SKIC3: variants seen among roughly 807,000 people sequenced by gnomAD.
SKIC3 encodes superkiller complex protein 3.
chr5:95,540,909 A>C, the SKIC3 span: 1 of 1,393,940 alleles, frequency 7.2e-7, no homozygotes. Context: ...GCAAATAAAA[A>C]CATTTTTAAT....
chr5:95,554,329 G>A, the SKIC3 span, among the ~76,000 whole-genome samples: 1 of 152,036 alleles, frequency 6.6e-6, no homozygotes, highest in African/African-American at 2.4e-5. Flanking sequence ...TTATATACCC[G>A]AAACTAGATA....
At chr5:95,492,666 A>AAAAAAAAC in the SKIC3 span, among the ~76,000 whole-genome samples, 1 of 130,568 alleles carries the variant, frequency 7.7e-6, no homozygotes. Flanking sequence ...AAAAAAAAAA[A>AAAAAAAAC]AAAAAAAAAA....
At chr5:95,472,913 C>T in the SKIC3 span, among the ~76,000 whole-genome samples, 2 of 152,190 alleles carry the variant, frequency 1.3e-5, no homozygotes, top group Non-Finnish European at 2.9e-5. Context: ...CAGTTCCATC[C>T]ATGTTGCTGC....
At chr5:95,531,587 C>T in the SKIC3 span, among the ~76,000 whole-genome samples, 1 of 152,174 alleles carries the variant, frequency 6.6e-6, no homozygotes. Context: ...ACATTGTCTG[C>T]ACTATCAGAA....
the SKIC3 span, among the ~76,000 whole-genome samples, chr5:95,466,020 C>A: frequency 6.6e-6 from 1 of 152,016 alleles, no homozygotes; most frequent in Admixed American, 6.6e-5. Flanking sequence ...TCCAAGCATT[C>A]TTTTCTTTAC....
the SKIC3 span, among the ~76,000 whole-genome samples, chr5:95,511,076 C>A: frequency 6.6e-6 from 1 of 152,084 alleles, no homozygotes; most frequent in Non-Finnish European, 1.5e-5. Context: ...CTTGAAAAAT[C>A]CTTAAAGTCA....
At chr5:95,488,874 A>G in the SKIC3 span, among the ~76,000 whole-genome samples, 2 of 152,232 alleles carry the variant, frequency 1.3e-5, no homozygotes, top group Non-Finnish European at 2.9e-5. Context: ...AAATCAACTA[A>G]TTAAACAACA....
At chr5:95,553,355 C>T in the SKIC3 span, among the ~76,000 whole-genome samples, 2 of 152,160 alleles carry the variant, frequency 1.3e-5, no homozygotes, top group Non-Finnish European at 2.9e-5. Context: ...TTAAATATAA[C>T]TTTTATGAAT....
the SKIC3 span, chr5:95,541,961 ACATT>A: frequency 4.0e-4 from 454 of 1,130,284 alleles, 4 homozygotes; most frequent in South Asian, 5.7e-3. Flanking sequence ...TGCTGTTCTC[ACATT>A]CATTTATTTT....
chr5:95,553,088 C>T, the SKIC3 span, among the ~76,000 whole-genome samples: 1 of 152,188 alleles, frequency 6.6e-6, no homozygotes, highest in African/African-American at 2.4e-5. Flanking sequence ...ACAATCCACT[C>T]AGCAGGAATG....
the SKIC3 span, among the ~76,000 whole-genome samples, chr5:95,490,349 T>C: frequency 6.6e-6 from 1 of 150,860 alleles, no homozygotes; most frequent in Non-Finnish European, 1.5e-5. Flanking sequence ...AGAAAATACA[T>C]ATGCTTATCA....
At chr5:95,503,057 T>C in the SKIC3 span, 7 of 1,608,238 alleles carry the variant, frequency 4.4e-6, no homozygotes, top group Non-Finnish European at 5.9e-6. Flanking sequence ...TCCTGATTGA[T>C]GAAGCATGGG....
chr5:95,470,607 A>G, the SKIC3 span, among the ~76,000 whole-genome samples: 1 of 152,200 alleles, frequency 6.6e-6, no homozygotes, highest in African/African-American at 2.4e-5. Flanking sequence ...TTATCTAAGG[A>G]GAGAGGAAAG....
At chr5:95,535,641 A>G in the SKIC3 span, among the ~76,000 whole-genome samples, 3 of 146,092 alleles carry the variant, frequency 2.1e-5, no homozygotes, top group East Asian at 5.9e-4. Context: ...AGACACCAGG[A>G]AAAAAAAAAA....
At chr5:95,507,734 G>T in the SKIC3 span, among the ~76,000 whole-genome samples, 15 of 152,114 alleles carry the variant, frequency 9.9e-5, no homozygotes, top group Admixed American at 3.9e-4. Flanking sequence ...TTATAGAGAT[G>T]AAAAACTATA....
chr5:95,484,978 T>C, the SKIC3 span: 1 of 933,044 alleles, frequency 1.1e-6, no homozygotes, highest in South Asian at 1.4e-5. Context: ...ATGTGCCACA[T>C]GTACCATAGA....
At chr5:95,499,147 A>C in the SKIC3 span, among the ~76,000 whole-genome samples, 1 of 152,164 alleles carries the variant, frequency 6.6e-6, no homozygotes, top group Non-Finnish European at 1.5e-5. Flanking sequence ...ATTACACCTA[A>C]GTGATATGGT....
chr5:95,544,604 G>A, the SKIC3 span, among the ~76,000 whole-genome samples: 1 of 152,098 alleles, frequency 6.6e-6, no homozygotes, highest in Non-Finnish European at 1.5e-5. Context: ...CAACAATGAT[G>A]TAACTACCAA....
chr5:95,527,952 G>T, the SKIC3 span: 33 of 1,590,550 alleles, frequency 2.1e-5, no homozygotes, highest in Non-Finnish European at 2.7e-5. Flanking sequence ...GGCAGAGAAT[G>T]GTTGTTGCCT....
Sources: gnomAD v4.1 joint callset for allele counts (sites outside exome capture counted in the v4.1 genomes callset) on GRCh38, gnomAD v4.1.1 for gene constraint, MANE v1.5 for transcripts, NCBI Gene and HGNC (gene_info 2026-07-23, HGNC 2026-07-21) for gene names.